The following HGF variants were observed in gnomAD, a reference collection of about 807,000 sequenced individuals.
HGF encodes the protein hepatocyte growth factor, also known as fibroblast-derived tumor cytotoxic factor.
In HGF, 39 loss-of-function variants were observed where a neutral mutation model predicts 111.6. The observed-to-expected ratio is 0.35, with a 90% CI of 0.27 to 0.46. The LOEUF is 0.46. HGF is among the 20% of genes least tolerant of loss of function. The pLI is 1.00. For missense variants in HGF, 735 were observed against 910.5 expected, an observed-to-expected ratio of 0.81 and a Z score of 2.48; for synonymous variants, 285 against 294.8, an observed-to-expected ratio of 0.97 and a Z score of 0.34.
intron 17 of HGF, among the ~76,000 whole-genome samples, chr7:81,703,907 G>A (rs1789354649): frequency 1.3e-5 from 2 of 151,690 alleles, no homozygotes; most frequent in African/African-American, 2.4e-5. Flanking sequence ...TATAAACTAT[G>A]CCAGTTGAGG....
intron 7 of HGF, among the ~76,000 whole-genome samples, chr7:81,737,491 G>T (rs746441967): frequency 6.6e-6 from 1 of 152,012 alleles, no homozygotes; most frequent in African/African-American, 2.4e-5. Context: ...GGGTCCAGGA[G>T]ATCAAAACTA....
In HGF at chr7:81,766,227, C is replaced by T. The variant is rs545632499; in HGVS notation, c.89-3355G>A. The stretch of plus-strand genomic sequence containing the variant: ...TCATATATTTTCTTCTCTGTGTGGA[C>T]TAACCATTGACTTCAAAGGAAAATC... On this transcript the variant is annotated intron_variant, in intron 1 of 17. Coordinates refer to ENST00000222390, the MANE Select transcript of HGF (RefSeq NM_000601.6). Among the ~76,000 whole-genome samples, 16 of 152,242 alleles carry T rather than the reference C, an allele frequency of 1.1e-4. No homozygotes were observed. In the South Asian group the frequency reaches 2.9e-3, roughly 28 times the overall value.
At chr7:81,750,446 C>G (rs562593789) in intron 5 of HGF, among the ~76,000 whole-genome samples, 1 of 152,208 alleles carries the variant, frequency 6.6e-6, no homozygotes, top group East Asian at 1.9e-4. Context: ...TACCAACGAG[C>G]AATGCCCTTT....
intron 8 of HGF, among the ~76,000 whole-genome samples, chr7:81,727,196 A>G (rs1583947617): frequency 8.4e-6 from 1 of 119,616 alleles, no homozygotes; most frequent in Non-Finnish European, 1.7e-5. Context: ...GCCTGCCACC[A>G]CGCCCGGCTA....
In HGF at chr7:81,745,033, T is replaced by C. The variant is rs2116043695; in HGVS notation, c.713A>G (p.Gln238Arg). The C allele has an allele frequency of 6.2e-7, 1 of 1,614,078 alleles. No homozygotes were observed. The highest frequency in any genetic ancestry group is 1.1e-5 in the South Asian group (1 of 91,086). ...CAAGAATTTGTGCCGGTGTGGTGTC[T>C]GATGATCCCAGCGCTGACAAATCTT... The part of the protein sequence containing the change: ...SGKICQRWDH[Q>R]TPHRHKFLPE... The change falls in exon 6 of 18, where the codon CAG becomes CGG. Residue 238 changes from glutamine to arginine, a missense_variant. This residue lies in a region of HGF where 553 missense variants were observed against 685.6 expected (regional missense o/e 0.81). Transcript: ENST00000222390.
chr7:81,764,965 A>T (rs1794882915), intron 1 of HGF, among the ~76,000 whole-genome samples: 1 of 152,030 alleles, frequency 6.6e-6, no homozygotes, highest in South Asian at 2.1e-4. Context: ...TAGTTAATTG[A>T]TGAAAAAAAT....
chr7:81,720,285 TTA>T (rs771377729), intron 10 of HGF, among the ~76,000 whole-genome samples: 36 of 152,222 alleles, frequency 2.4e-4, no homozygotes, highest in South Asian at 2.1e-4. Context: ...GAAATTTAAA[TTA>T]TATGAGTGAT....
intron 10 of HGF, among the ~76,000 whole-genome samples, chr7:81,718,260 T>C (rs1255325533): frequency 1.3e-5 from 2 of 152,208 alleles, no homozygotes; most frequent in Non-Finnish European, 2.9e-5. Context: ...AGAATAACAG[T>C]AAACACATAT....
chr7:81,725,468 T>C (rs1031244614), intron 9 of HGF, among the ~76,000 whole-genome samples: 1 of 152,168 alleles, frequency 6.6e-6, no homozygotes, highest in African/African-American at 2.4e-5. Flanking sequence ...TAAGATCTTA[T>C]AGCAAGTAAG....
In HGF at chr7:81,736,894, G is replaced by GGGGTGTGTGTGT. The variant is rs1554369032; in HGVS notation, c.865+6458_865+6459insACACACACACCC. ...AGGGTTTTTAATTTATGTGTAGAGG[G>GGGGTGTGTGTGT]GTGTGTGTGTGTGTGTGTGTGTGTG... On this transcript the variant is annotated intron_variant, in intron 7 of 17. Transcript: ENST00000222390. Among the ~76,000 whole-genome samples the GGGGTGTGTGTGT allele has an allele frequency of 6.1e-3, 867 of 142,048 alleles. 9 individuals carry two copies. The highest frequency in any genetic ancestry group is 0.021 in the African/African-American group (785 of 38,086). 93.2% of individuals were successfully genotyped at this position (142,048 alleles called of 152,430 possible).
In HGF at chr7:81,758,809, A is replaced by G; in HGVS notation, c.255-5T>C. The G allele has an allele frequency of 6.4e-7, 1 of 1,566,128 alleles. No individual in the cohort carries two copies. Among genetic ancestry groups the G allele is most frequent in the South Asian group, 1.1e-5 (1 of 90,116 alleles). On this transcript the variant is annotated splice_polypyrimidine_tract_variant and splice_region_variant and intron_variant, in intron 2 of 17. Transcript: ENST00000222390. ...GCTTTATCAAAAACAAAAGCCCTGA[A>G]AAAAATATCAGAATGAAAAGAAGAA...
At position 81,751,725 on chromosome 7, in the gene HGF, T is replaced by C. The variant is rs5745650; in HGVS notation, c.625+395A>G. The C allele has an allele frequency of 2.6e-3, 2,731 of 1,039,956 alleles. 66 individuals carry two copies. The African/African-American group carries it at 0.044, about 17-fold the overall frequency. The allele number at this position is 1,039,956 out of a possible 1,614,324, so 64.4% of individuals were successfully genotyped here. On this transcript the variant is annotated intron_variant, in intron 5 of 17. Coordinates refer to ENST00000222390, the MANE Select transcript of HGF (RefSeq NM_000601.6). ...TTCATGATAGTTTGGACAGAATTTCTGTGGAAGCAGGTGCTGGTTGAATAG... is the reference window on the plus strand; with the variant it reads ...TTCATGATAGTTTGGACAGAATTTCCGTGGAAGCAGGTGCTGGTTGAATAG...
chr7:81,756,111 T>C (rs1236629735), intron 4 of HGF: 1 of 697,754 alleles, frequency 1.4e-6, no homozygotes, highest in African/African-American at 1.8e-5. Flanking sequence ...GCCAAATGTG[T>C]CATGCCCTGA....
chr7:81,719,087 A>T (rs1789787617), intron 10 of HGF, among the ~76,000 whole-genome samples: 1 of 152,134 alleles, frequency 6.6e-6, no homozygotes, highest in Non-Finnish European at 1.5e-5. Flanking sequence ...ACCAAGTTAC[A>T]TTCTTTCAGT....
At chr7:81,762,661 T>A (rs1789145724) in intron 2 of HGF, 46 bp downstream of exon 2, 1 of 1,304,032 alleles carries the variant, frequency 7.7e-7, no homozygotes, top group Non-Finnish European at 1.1e-6. Context: ...AATACATGCA[T>A]GCTATATTTG....
chr7:81,751,508 C>G (rs1583990421), intron 5 of HGF: 2 of 741,726 alleles, frequency 2.7e-6, no homozygotes, highest in African/African-American at 4.5e-5. Flanking sequence ...CATAGACATG[C>G]CTTCAAGACA....
rs1436878526 is a variant in HGF at position 81,707,283 on chromosome 7, A to T, written c.1616+7T>A. 1.3e-6 allele frequency: 2 copies of T among 1,534,356 alleles called. No individual in the cohort carries two copies. Among genetic ancestry groups the T allele is most frequent in the East Asian group, 2.3e-5 (1 of 44,414 alleles). ...TCAAAATAATACTAGTTTTAAAAAC[A>T]CTTTACCGAGAAGGGAAACACTGTC... On this transcript the variant is annotated splice_region_variant and intron_variant, in intron 14 of 17. Transcript: ENST00000222390.
chr7:81,745,144 G>C, intron 5 of HGF, 24 bp from the exon 6 acceptor site: 1 of 1,612,338 alleles, frequency 6.2e-7, no homozygotes, highest in Non-Finnish European at 8.5e-7. Flanking sequence ...AGTATGGCAT[G>C]TTAATTGTTT....
chr7:81,745,470 G>T (rs949939973), intron 5 of HGF, among the ~76,000 whole-genome samples: 1 of 152,142 alleles, frequency 6.6e-6, no homozygotes, highest in Non-Finnish European at 1.5e-5. Context: ...AAAATGCAAA[G>T]ATCTCAGTAT....
Sources: gnomAD v4.1 joint callset for allele counts (sites outside exome capture counted in the v4.1 genomes callset) on GRCh38, gnomAD v4.1.1 for gene constraint, gnomAD v4.1.1 regional missense constraint, MANE v1.5 for transcripts, NCBI Gene and HGNC (gene_info 2026-07-23, HGNC 2026-07-21) for gene names.